Variants in PDE4D observed in about 807,000 individuals in gnomAD.
PDE4D encodes the protein 3',5'-cyclic-AMP phosphodiesterase 4D.
A neutral mutation model predicts 87.4 loss-of-function variants in PDE4D; 24 were observed. That is an observed-to-expected ratio of 0.27 (90% CI 0.20 to 0.39). The LOEUF is 0.39. Ranked by LOEUF, PDE4D falls within the 10% of genes least tolerant of loss-of-function variation. The pLI, the probability that PDE4D is intolerant of heterozygous loss-of-function variation, is 1.00. For missense variants in PDE4D, 714 were observed against 1,041.0 expected, an observed-to-expected ratio of 0.69 and a Z score of 4.32; for synonymous variants, 384 against 383.2, an observed-to-expected ratio of 1.00 and a Z score of -0.02.
chr5:59,406,405 C>T (rs889482218), intron 1 of PDE4D, among the ~76,000 whole-genome samples: 2 of 110,294 alleles, frequency 1.8e-5, no homozygotes, highest in Admixed American at 9.2e-5. Flanking sequence ...TCCCCCCCCC[C>T]CCCCCCATAG....
At chr5:60,263,111 A>T (rs1749822309) in intron 1 of PDE4D, among the ~76,000 whole-genome samples, 1 of 152,120 alleles carries the variant, frequency 6.6e-6, no homozygotes. Context: ...CCTCTGTGCT[A>T]ACGCCCACCT....
intron 6 of PDE4D, among the ~76,000 whole-genome samples, chr5:58,997,586 GACCTCTAAATA>G (rs1749521214): frequency 6.6e-6 from 1 of 151,960 alleles, no homozygotes; most frequent in Non-Finnish European, 1.5e-5. Context: ...TTTTTTAAGT[GACCTCTAAATA>G]TTTTCCATTG....
intron 1 of PDE4D, among the ~76,000 whole-genome samples, chr5:59,519,350 G>C (rs1323964820): frequency 6.6e-6 from 1 of 152,162 alleles, no homozygotes; most frequent in Non-Finnish European, 1.5e-5. Context: ...GGAACGTCAA[G>C]GTGGAAGAAA....
chr5:59,765,211 A>G (rs1288341743), intron 1 of PDE4D, among the ~76,000 whole-genome samples: 1 of 152,208 alleles, frequency 6.6e-6, no homozygotes, highest in African/African-American at 2.4e-5. Flanking sequence ...TGATAGTTGC[A>G]GGGAAGGAGA....
intron 1 of PDE4D, among the ~76,000 whole-genome samples, chr5:60,186,628 G>C (rs1318231740): frequency 6.6e-6 from 1 of 152,104 alleles, no homozygotes; most frequent in Non-Finnish European, 1.5e-5. Context: ...TAGGCTAATA[G>C]TGTAGGTGTA....
chr5:59,633,412 G>C (rs923290088), intron 1 of PDE4D, among the ~76,000 whole-genome samples: 1 of 152,150 alleles, frequency 6.6e-6, no homozygotes, highest in African/African-American at 2.4e-5. Flanking sequence ...TCCTTGAGAA[G>C]AGCAACCCCA....
intron 1 of PDE4D, among the ~76,000 whole-genome samples, chr5:59,682,373 C>T (rs189152739): frequency 2.8e-4 from 42 of 152,310 alleles, no homozygotes; most frequent in African/African-American, 1.0e-3. Flanking sequence ...GCATCTACCT[C>T]TGGATATAAG....
intron 3 of PDE4D, among the ~76,000 whole-genome samples, chr5:59,190,077 CA>C (rs1743976831): frequency 6.6e-6 from 1 of 152,116 alleles, no homozygotes; most frequent in Non-Finnish European, 1.5e-5. Flanking sequence ...CTTTTCACGT[CA>C]AAGGAAACCA....
intron 1 of PDE4D, chr5:59,528,969 G>A: frequency 2.2e-6 from 1 of 449,694 alleles, no homozygotes; most frequent in South Asian, 1.6e-5. Context: ...AAGCTGAACG[G>A]TTGGCCATAA....
At chr5:60,306,922 T>C (rs1312059264) in intron 1 of PDE4D, among the ~76,000 whole-genome samples, 1 of 152,134 alleles carries the variant, frequency 6.6e-6, no homozygotes, top group African/African-American at 2.4e-5. Flanking sequence ...AATTACACTA[T>C]ATTCCACAAC....
At chr5:59,986,060 A>T (rs1762433338) in intron 3 of PDE4D, among the ~76,000 whole-genome samples, 1 of 152,196 alleles carries the variant, frequency 6.6e-6, no homozygotes, top group African/African-American at 2.4e-5. Flanking sequence ...GCACTTGGAA[A>T]CTGTTTTTAG....
At chr5:60,041,605 C>G in intron 2 of PDE4D, among the ~76,000 whole-genome samples, 1 of 152,186 alleles carries the variant, frequency 6.6e-6, no homozygotes, top group East Asian at 1.9e-4. Context: ...AGATACCCAG[C>G]TCATCTCATT....
At chr5:60,385,137 A>T (rs1292789200) in intron 1 of PDE4D, among the ~76,000 whole-genome samples, 2 of 152,206 alleles carry the variant, frequency 1.3e-5, no homozygotes, top group African/African-American at 4.8e-5. Context: ...CCTGTCCCAG[A>T]TTGGATTCCA....
At chr5:59,623,250 G>A (rs191727341) in intron 1 of PDE4D, among the ~76,000 whole-genome samples, 1,911 of 150,498 alleles carry the variant, frequency 0.013, 45 homozygotes, top group African/African-American at 0.045. Flanking sequence ...TGTACCTCTA[G>A]TACAGTGCTG....
chr5:60,377,469 G>T lies in PDE4D; in HGVS notation c.-90+110473C>A, dbSNP rs373821864. Among the ~76,000 whole-genome samples, 88 of 152,282 alleles carry T rather than the reference G, an allele frequency of 5.8e-4. 2 individuals are homozygous for T. The South Asian group carries it at 0.018, about 31-fold the overall frequency. The stretch of plus-strand genomic sequence containing the variant: ...AATCTATTTAGAACATTGAGAGAAA[G>T]CTATCAGCTTCAAATTCTGACCAAA... On this transcript the variant is annotated intron_variant, in intron 1 of 16. Transcript: ENST00000502484.
intron 1 of PDE4D, among the ~76,000 whole-genome samples, chr5:59,767,150 C>CA (rs1554080446): frequency 1.3e-5 from 2 of 151,174 alleles, no homozygotes; most frequent in African/African-American, 4.9e-5. Flanking sequence ...CTTGTTTCTG[C>CA]TTTTTTTTTC....
chr5:59,586,075 C>T (rs1387088284), intron 1 of PDE4D, among the ~76,000 whole-genome samples: 5 of 152,124 alleles, frequency 3.3e-5, no homozygotes, highest in Non-Finnish European at 7.4e-5. Flanking sequence ...AAGTTTTTTT[C>T]TTCCTCCATG....
At chr5:60,498,166 GCACACACACACACA>G (rs34436235) in intron 1 of PDE4D, among the ~76,000 whole-genome samples, 2 of 144,210 alleles carry the variant, frequency 1.4e-5, no homozygotes, top group Non-Finnish European at 3.1e-5. Context: ...ACACACACAT[GCACACACACACACA>G]CACACACACA....
chr5:59,008,680 A>G (rs945283847), intron 6 of PDE4D, among the ~76,000 whole-genome samples: 6 of 152,110 alleles, frequency 3.9e-5, no homozygotes, highest in African/African-American at 1.4e-4. Flanking sequence ...TGCGTTAGGC[A>G]AAGATTTCTT....
Sources: allele counts gnomAD v4.1 joint callset (sites outside exome capture counted in the v4.1 genomes callset), GRCh38; gene constraint gnomAD v4.1.1; transcripts MANE v1.5; gene names NCBI Gene and HGNC (gene_info 2026-07-23, HGNC 2026-07-21).